The following CCDC178 variants were observed in gnomAD, a reference collection of about 807,000 sequenced individuals.
CCDC178 encodes coiled-coil domain-containing protein 178.
CCDC178 carries 126 observed loss-of-function variants against 117.4 expected under a neutral mutation model. The observed-to-expected ratio is 1.07, with a 90% CI of 0.93 to 1.24. The LOEUF is 1.24. Ranked by LOEUF, CCDC178 falls within the 50% of genes most tolerant of loss-of-function variation. The pLI is 0.00. For synonymous variants in CCDC178, 283 were observed against 313.4 expected (o/e 0.90, Z 1.02); for missense variants, 1,030 against 986.9 (o/e 1.04, Z -0.59).
At chr18:33,282,426 C>A (rs143684249) in intron 12 of CCDC178, among the ~76,000 whole-genome samples, 28 of 152,268 alleles carry the variant, frequency 1.8e-4, no homozygotes, top group African/African-American at 5.8e-4. Context: ...CTGATCTCTG[C>A]AAGCTGGTCC....
chr18:33,215,818 G>A, intron 18 of CCDC178, 123 bp from the exon 19 acceptor site: 1 of 660,228 alleles, frequency 1.5e-6, no homozygotes, highest in Non-Finnish European at 2.4e-6. Flanking sequence ...CACACCTGAT[G>A]GCTCACTCCT....
chr18:33,058,444 G>A (rs2056866174), intron 21 of CCDC178, among the ~76,000 whole-genome samples: 1 of 152,194 alleles, frequency 6.6e-6, no homozygotes, highest in Non-Finnish European at 1.5e-5. Flanking sequence ...GTCAATAAAT[G>A]AGAGACCTGC....
chr18:33,050,899 T>C (rs1172917256), intron 21 of CCDC178, among the ~76,000 whole-genome samples: 1 of 152,170 alleles, frequency 6.6e-6, no homozygotes, highest in Middle Eastern at 3.2e-3. Flanking sequence ...TGGCTTTGAC[T>C]GATCATCAAT....
chr18:33,155,692 T>C (rs533838574), intron 20 of CCDC178, among the ~76,000 whole-genome samples: 3 of 152,318 alleles, frequency 2.0e-5, no homozygotes, highest in African/African-American at 4.8e-5. Flanking sequence ...TACTTGATGG[T>C]TGACTTTTCT....
intron 7 of CCDC178, among the ~76,000 whole-genome samples, chr18:33,355,359 T>C (rs2063038980): frequency 6.6e-6 from 1 of 152,236 alleles, no homozygotes; most frequent in Admixed American, 6.5e-5. Flanking sequence ...GCTAGTGTTT[T>C]GTGTGAGTTC....
At chr18:33,267,176 T>A in intron 13 of CCDC178, 26 bp downstream of exon 13, 1 of 1,557,138 alleles carries the variant, frequency 6.4e-7, no homozygotes, top group South Asian at 1.2e-5. Context: ...GCGTTCTAAG[T>A]GGGAAGTAGG....
At chr18:33,386,806 T>A (rs1039113801) in intron 5 of CCDC178, among the ~76,000 whole-genome samples, 3 of 152,058 alleles carry the variant, frequency 2.0e-5, no homozygotes, top group South Asian at 4.2e-4. Context: ...AAAATAGGTA[T>A]AAGACAAGGA....
intron 21 of CCDC178, among the ~76,000 whole-genome samples, chr18:32,996,391 C>T (rs2055509820): frequency 6.6e-6 from 1 of 151,710 alleles, no homozygotes; most frequent in South Asian, 2.1e-4. Flanking sequence ...ATTAAGTAAC[C>T]TTAATATCAT....
chr18:33,187,326 C>T (rs1231904988), intron 20 of CCDC178, among the ~76,000 whole-genome samples: 34 of 152,002 alleles, frequency 2.2e-4, no homozygotes, highest in Admixed American at 2.2e-3. Flanking sequence ...TGTCTCCACT[C>T]CATGACTCCA....
chr18:33,017,658 T>G (rs1477718280), intron 21 of CCDC178, among the ~76,000 whole-genome samples: 1 of 152,004 alleles, frequency 6.6e-6, no homozygotes, highest in Non-Finnish European at 1.5e-5. Context: ...AGAACAAAGT[T>G]GGAGGACTCA....
rs2144630520 is a variant in CCDC178, at chr18:33,333,250, T to C, written c.803A>G (p.Glu268Gly). 1.2e-6 allele frequency: 2 copies of C among 1,613,260 alleles called. 1 individual carries two copies. The highest frequency in any genetic ancestry group is 2.2e-5 in the South Asian group (2 of 91,054). Reference protein sequence around the residue: ...KIQADIDYMNEHGPLLDSKQN... With the variant: ...KIQADIDYMNGHGPLLDSKQN... Reference sequence around the variant, plus strand: ...CTTAGAGTCCAGTAGAGGGCCATGTTCATTCATGTAGTCTATGTCTGCTTG... The same window carrying C: ...CTTAGAGTCCAGTAGAGGGCCATGTCCATTCATGTAGTCTATGTCTGCTTG... The change falls in exon 10 of 23, where the codon GAA becomes GGA. Residue 268 changes from glutamate (E) to glycine (G), a missense_variant. Physicochemically the swap from Glu to Gly is moderately conservative, Grantham distance 98 (BLOSUM62 -2). Coordinates refer to ENST00000383096, the MANE Select transcript of CCDC178 (RefSeq NM_001105528.4).
chr18:32,983,310 T>C (rs1057162988), intron 21 of CCDC178: 4 of 1,531,200 alleles, frequency 2.6e-6, no homozygotes, highest in Non-Finnish European at 3.5e-6. Flanking sequence ...TCTGATATAA[T>C]TGGCAGAGAG....
chr18:33,387,729 T>C (rs748684170), intron 5 of CCDC178, among the ~76,000 whole-genome samples: 1 of 152,144 alleles, frequency 6.6e-6, no homozygotes, highest in Non-Finnish European at 1.5e-5. Context: ...ATTAAAGACT[T>C]AAATGTAAAA....
chr18:33,231,486 A>G (rs1371510286), intron 15 of CCDC178, among the ~76,000 whole-genome samples: 1 of 152,234 alleles, frequency 6.6e-6, no homozygotes, highest in East Asian at 1.9e-4. Flanking sequence ...TGTGCTCATT[A>G]TCTAATTATT....
At chr18:33,370,001 G>A (rs1417839685) in intron 6 of CCDC178, 49 bp downstream of exon 6, 3 of 1,457,406 alleles carry the variant, frequency 2.1e-6, no homozygotes, top group East Asian at 5.1e-5. Flanking sequence ...AATCCTTAGA[G>A]GGTCGATAAA....
At chr18:33,203,798 T>C (rs560282086) in intron 20 of CCDC178, among the ~76,000 whole-genome samples, 21 of 152,348 alleles carry the variant, frequency 1.4e-4, no homozygotes, top group African/African-American at 5.0e-4. Flanking sequence ...TGCCCTACAT[T>C]AGTTGGTGGC....
chr18:32,983,717 G>GT (rs1309368166), intron 21 of CCDC178, among the ~76,000 whole-genome samples: 4 of 152,098 alleles, frequency 2.6e-5, no homozygotes, highest in Middle Eastern at 3.4e-3. Flanking sequence ...TCTGCTTGTT[G>GT]TAAGTTTTCA....
chr18:32,954,582 A>C (rs2054554817), intron 22 of CCDC178: 1 of 152,152 alleles, frequency 6.6e-6, no homozygotes, highest in Non-Finnish European at 1.5e-5. Flanking sequence ...AAGTATGAAA[A>C]AACAATGCCT....
intron 20 of CCDC178, among the ~76,000 whole-genome samples, chr18:33,182,738 ACT>A (rs1366727856): frequency 1.3e-5 from 2 of 152,022 alleles, no homozygotes; most frequent in Admixed American, 6.6e-5. Context: ...AAAAAGTGTA[ACT>A]CTAAAATCAT....
Sources: gnomAD v4.1 joint callset for allele counts (sites outside exome capture counted in the v4.1 genomes callset) on GRCh38, gnomAD v4.1.1 for gene constraint, MANE v1.5 for transcripts, NCBI Gene and HGNC (gene_info 2026-07-23, HGNC 2026-07-21) for gene names.